Variants in TBXAS1 observed in about 807,000 individuals in gnomAD.
TBXAS1 encodes the protein thromboxane A synthase 1.
In TBXAS1, 48 loss-of-function variants were observed where a neutral mutation model predicts 60.7. The observed-to-expected ratio is 0.79, with a 90% CI of 0.63 to 1.01. TBXAS1 has a LOEUF of 1.01. TBXAS1 is among the 50% of genes least tolerant of loss of function. The pLI is 0.00. For synonymous variants in TBXAS1, 287 were observed against 269.7 expected, an observed-to-expected ratio of 1.06 and a Z score of -0.63; for missense variants, 685 against 686.3, an observed-to-expected ratio of 1.00 and a Z score of 0.02.
intron 1 of TBXAS1, among the ~76,000 whole-genome samples, chr7:139,841,525 A>G (rs1206841208): frequency 1.3e-5 from 2 of 149,146 alleles, no homozygotes; most frequent in African/African-American, 5.0e-5. Context: ...CTAGGATATG[A>G]TGGGTACTTC....
chr7:139,962,171 G>T lies in TBXAS1; in HGVS notation c.1072G>T (p.Ala358Ser), dbSNP rs1183338980. 6.2e-7 allele frequency: 1 copy of T among 1,614,160 alleles called. No homozygotes were observed. Among genetic ancestry groups the T allele is most frequent in the Admixed American group, 1.7e-5 (1 of 60,014 alleles). Residue 358 changes from alanine to serine, a missense_variant, in exon 9 of 13, where the codon GCC becomes TCC. By Grantham distance (99) the Ala-to-Ser change is moderately conservative. Coordinates refer to ENST00000448866, the MANE Select transcript of TBXAS1 (RefSeq NM_001061.7). ...ACTTTCTTTTGCCACCTACCTACTGGCCACCAACCCTGACTGCCAAGAGAA... is the reference window on the plus strand; with the variant it reads ...ACTTTCTTTTGCCACCTACCTACTGTCCACCAACCCTGACTGCCAAGAGAA... ...NTLSFATYLLATNPDCQEKLL... is the reference protein window; with the variant it reads ...NTLSFATYLLSTNPDCQEKLL...
In TBXAS1 at chr7:139,875,656, G is replaced by GTTTCTATTATGTACGATAT; in HGVS notation, c.236+42_236+60dup. On this transcript the variant is annotated intron_variant, in intron 3 of 12. Coordinates refer to ENST00000448866, the MANE Select transcript of TBXAS1 (RefSeq NM_001061.7). Reference sequence around the variant, plus strand: ...TGTGTGGGTAAGAAGGAAACTCAACGTTTCTATTATGTACGATATTTTCTA... The same window carrying GTTTCTATTATGTACGATAT: ...TGTGTGGGTAAGAAGGAAACTCAACGTTTCTATTATGTACGATATTTTCTATTATGTACGATATTTTCTA... 5.7e-3 allele frequency: 9,120 copies of GTTTCTATTATGTACGATAT among 1,613,082 alleles called. 501 individuals are homozygous for GTTTCTATTATGTACGATAT. The African/African-American group carries it at 0.11, about 19-fold the overall frequency.
intron 4 of TBXAS1, among the ~76,000 whole-genome samples, chr7:139,816,172 G>T (rs1045149988): frequency 2.0e-5 from 3 of 152,108 alleles, no homozygotes; most frequent in Non-Finnish European, 4.4e-5. Flanking sequence ...TTTCCCTTCT[G>T]CCATGATTGT....
intron 9 of TBXAS1, among the ~76,000 whole-genome samples, chr7:139,965,186 C>G (rs1810685413): frequency 6.6e-6 from 1 of 151,948 alleles, no homozygotes; most frequent in Non-Finnish European, 1.5e-5. Flanking sequence ...CCATTGCCCT[C>G]CAGCCTGGGC....
At chr7:139,877,557 G>A (rs1802338948) in intron 3 of TBXAS1, among the ~76,000 whole-genome samples, 1 of 150,394 alleles carries the variant, frequency 6.6e-6, no homozygotes. Context: ...TGGGCAGCTG[G>A]GATTACAGGC....
intron 1 of TBXAS1, among the ~76,000 whole-genome samples, chr7:139,843,287 A>G (rs1323038111): frequency 6.6e-6 from 1 of 151,936 alleles, no homozygotes. Context: ...CTTGCTTCCT[A>G]TCTCTCTGGC....
At chr7:139,991,139 C>T (rs1393471854) in intron 9 of TBXAS1, among the ~76,000 whole-genome samples, 1 of 152,174 alleles carries the variant, frequency 6.6e-6, no homozygotes, top group African/African-American at 2.4e-5. Flanking sequence ...CACTAAATGG[C>T]ACGGCTGTGA....
chr7:139,801,470 C>CT (rs56097281), intron 4 of TBXAS1, among the ~76,000 whole-genome samples: 90,320 of 150,226 alleles, frequency 0.6, 27,492 homozygotes, highest in East Asian at 0.95. Context: ...TCTCTTTGTC[C>CT]TTTTTTTTTC....
intron 11 of TBXAS1, among the ~76,000 whole-genome samples, chr7:140,017,411 C>A (rs575948336): frequency 6.6e-6 from 1 of 152,200 alleles, no homozygotes; most frequent in South Asian, 2.1e-4. Flanking sequence ...TAGCCACACA[C>A]TGAATTCCTA....
rs575146790 is a variant in TBXAS1, at chr7:139,829,464, T to C, written c.74T>C (p.Leu25Ser). The C allele has an allele frequency of 1.2e-6, 2 of 1,613,824 alleles. No homozygotes were observed. Among genetic ancestry groups the C allele is most frequent in the South Asian group, 2.2e-5 (2 of 90,906 alleles). Residue 25 changes from leucine (L) to serine (S), a missense_variant, in exon 1 of 13, where the codon TTG (leucine) becomes TCG (serine). Leu to Ser is a moderately radical substitution (Grantham distance 145). Coordinates refer to ENST00000448866, the MANE Select transcript of TBXAS1 (RefSeq NM_001061.7). The part of the protein sequence containing the change: ...MVTVALSVAL[L>S]ALLKWYSTSA... Reference sequence around the variant, plus strand: ...ACGGTGGCCCTGTCAGTGGCTCTCTTGGCCCTCCTGAAATGGTAAGTGCAG... The same window carrying C: ...ACGGTGGCCCTGTCAGTGGCTCTCTCGGCCCTCCTGAAATGGTAAGTGCAG...
rs753974178 is a variant in TBXAS1, at chr7:140,017,685, C to A, written c.1379C>A (p.Ala460Asp). 1.9e-6 allele frequency: 3 copies of A among 1,613,208 alleles called. No homozygotes were observed. The highest frequency in any genetic ancestry group is 2.2e-5 in the East Asian group (1 of 44,870). Residue 460 changes from alanine (A) to aspartate (D), a missense_variant, in exon 12 of 13, where the codon GCC (alanine) becomes GAC (aspartate). Coordinates refer to ENST00000448866, the MANE Select transcript of TBXAS1 (RefSeq NM_001061.7). ...TFNPERFTAE[A>D]RQQHRPFTYL... Reference sequence around the variant, plus strand: ...CGGACCTGCAGGTTCACGGCTGAGGCCCGGCAGCAGCACCGGCCCTTCACG... The same window carrying A: ...CGGACCTGCAGGTTCACGGCTGAGGACCGGCAGCAGCACCGGCCCTTCACG...
intron 2 of TBXAS1, among the ~76,000 whole-genome samples, chr7:139,874,541 C>T (rs1802074011): frequency 6.6e-6 from 1 of 152,190 alleles, no homozygotes; most frequent in South Asian, 2.1e-4. Flanking sequence ...CAAGCTTACG[C>T]TGCAGAATTC....
chr7:139,921,087 AT>A (rs1176515037), intron 4 of TBXAS1, among the ~76,000 whole-genome samples: 3 of 152,080 alleles, frequency 2.0e-5, no homozygotes. Flanking sequence ...ATTCCTTAGT[AT>A]TTTTTTAAAT....
chr7:139,906,347 T>C (rs2117026107), intron 3 of TBXAS1: 1 of 158,544 alleles, frequency 6.3e-6, no homozygotes, highest in East Asian at 1.9e-4. Flanking sequence ...CGATCCACTA[T>C]GCCTGGCCTA....
chr7:139,826,110 T>C (rs1045141568), upstream of TBXAS1, among the ~76,000 whole-genome samples: 1 of 152,180 alleles, frequency 6.6e-6, no homozygotes, highest in African/African-American at 2.4e-5. Flanking sequence ...GTGACCACGA[T>C]GAGTCACCCT....
At chr7:139,935,801 C>T (rs1217814462) in intron 4 of TBXAS1, among the ~76,000 whole-genome samples, 1 of 151,786 alleles carries the variant, frequency 6.6e-6, no homozygotes, top group East Asian at 1.9e-4. Flanking sequence ...AACCCTGTGC[C>T]ATGAACTTCA....
chr7:139,912,082 T>C (rs1805570193), intron 4 of TBXAS1, among the ~76,000 whole-genome samples: 1 of 152,166 alleles, frequency 6.6e-6, no homozygotes, highest in East Asian at 1.9e-4. Flanking sequence ...TTACAAAAAT[T>C]AGCCGGGTGT....
At chr7:139,822,667 C>T (rs1327343291) in intron 4 of TBXAS1, among the ~76,000 whole-genome samples, 2 of 152,268 alleles carry the variant, frequency 1.3e-5, no homozygotes, top group African/African-American at 4.8e-5. Context: ...TCAACAGAGC[C>T]GGACATTCAG....
chr7:139,856,780 C>G (rs1800612155), intron 1 of TBXAS1, among the ~76,000 whole-genome samples: 1 of 152,158 alleles, frequency 6.6e-6, no homozygotes, highest in Non-Finnish European at 1.5e-5. Context: ...TGAGCATCCT[C>G]CATACAATGG....
Sources: gnomAD v4.1 joint callset for allele counts (sites outside exome capture counted in the v4.1 genomes callset) on GRCh38, gnomAD v4.1.1 for gene constraint, MANE v1.5 for transcripts, NCBI Gene and HGNC (gene_info 2026-07-23, HGNC 2026-07-21) for gene names.